The following GBGT1 variants were observed in gnomAD, a reference collection of about 807,000 sequenced individuals.
GBGT1 encodes globoside alpha-1,3-N-acetylgalactosaminyltransferase 1 (FORS blood group).
GBGT1 carries 18 observed loss-of-function variants against 20.9 expected under a neutral mutation model. That is an observed-to-expected ratio of 0.86 (90% CI 0.60 to 1.28). The LOEUF is 1.28. Among genes scored for constraint, GBGT1 ranks in the 50% most tolerant of loss-of-function variants. The probability of loss-of-function intolerance (pLI) is 0.00; values close to 1 mark genes in which losing one functional copy is unlikely to be tolerated. For synonymous variants in GBGT1, 168 were observed against 180.8 expected (o/e 0.93, Z 0.57); for missense variants, 432 against 455.7 (o/e 0.95, Z 0.47).
At position 133,153,270 on chromosome 9, in the gene GBGT1, G is replaced by A. The variant is rs574746327; in HGVS notation, c.*307C>T. ...CGGCAGGGTTCAGGCACTCTGAGTC[G>A]GGCTGAGGCTTCAGAGCCTGCCCCG... On this transcript the variant is annotated 3_prime_UTR_variant, in exon 7 of 7. Coordinates refer to ENST00000372040, the MANE Select transcript of GBGT1 (RefSeq NM_021996.6). The A allele has an allele frequency of 6.4e-4, 187 of 290,726 alleles. No homozygotes were observed. Among genetic ancestry groups the A allele is most frequent in the Non-Finnish European group, 1.0e-3 (158 of 156,974 alleles). The allele number at this position is 290,726 out of a possible 1,614,324, so 18.0% of individuals were successfully genotyped here.
At chr9:133,161,243 G>A (rs1354025012) in intron 3 of GBGT1, 11 of 504,170 alleles carry the variant, frequency 2.2e-5, no homozygotes, top group Non-Finnish European at 3.5e-5. Flanking sequence ...ACATGTGGAC[G>A]GTCAGACCAT....
intron 2 of GBGT1, 120 bp from the exon 3 acceptor site, chr9:133,161,652 C>T: frequency 3.1e-6 from 2 of 646,634 alleles, no homozygotes; most frequent in South Asian, 4.2e-5. Context: ...GGCCAGGTCC[C>T]CTGTCATTCT....
intron 3 of GBGT1, among the ~76,000 whole-genome samples, chr9:133,156,430 G>C (rs33923294): frequency 0.12 from 18,208 of 152,150 alleles, 1,188 homozygotes; most frequent in Middle Eastern, 0.15. Flanking sequence ...GGGAGGCGGA[G>C]GCGGGTGGAT....
intron 3 of GBGT1, among the ~76,000 whole-genome samples, chr9:133,157,955 G>A (rs564373693): frequency 6.6e-6 from 1 of 152,232 alleles, no homozygotes; most frequent in South Asian, 2.1e-4. Flanking sequence ...GACCATCCTG[G>A]GCAACATGGT....
At chr9:133,155,839 T>G (rs1832854323) in intron 5 of GBGT1, 62 bp downstream of exon 5, 2 of 1,569,030 alleles carry the variant, frequency 1.3e-6, no homozygotes, top group East Asian at 2.2e-5. Flanking sequence ...TACCCCACCT[T>G]ATAAATCAGA....
intron 3 of GBGT1, among the ~76,000 whole-genome samples, chr9:133,157,759 T>C (rs1215400919): frequency 6.6e-6 from 1 of 152,226 alleles, no homozygotes; most frequent in Non-Finnish European, 1.5e-5. Context: ...GCCAGACAGT[T>C]GACCCTGTGA....
intron 3 of GBGT1, among the ~76,000 whole-genome samples, chr9:133,159,302 G>A (rs759206018): frequency 5.9e-5 from 9 of 152,152 alleles, no homozygotes; most frequent in Non-Finnish European, 8.8e-5. Flanking sequence ...AAGTCAGTTC[G>A]TCAAATTGGC....
chr9:133,155,772 T>C, intron 5 of GBGT1, 129 bp downstream of exon 5: 1 of 973,240 alleles, frequency 1.0e-6, no homozygotes, highest in Non-Finnish European at 1.6e-6. Flanking sequence ...GCCCTGTGTC[T>C]TTCCACAGTC....
chr9:133,161,418 G>A (rs912325243), intron 3 of GBGT1, 49 bp downstream of exon 3: 4 of 1,204,300 alleles, frequency 3.3e-6, no homozygotes, highest in Admixed American at 2.1e-5. Flanking sequence ...CTCCCCAACT[G>A]TGAGCAGCCC....
chr9:133,159,635 TA>T (rs11307075), intron 3 of GBGT1, among the ~76,000 whole-genome samples: 36,221 of 150,838 alleles, frequency 0.24, 4,864 homozygotes, highest in East Asian at 0.55. Context: ...TACAAACAAA[TA>T]AAAAAAAATT....
rs576979841 is a variant in GBGT1 at position 133,153,512 on chromosome 9, G to C, written c.*65C>G. On this transcript the variant is annotated 3_prime_UTR_variant, in exon 7 of 7. Transcript: ENST00000372040. ...GAGGCGGGACAGGGCTGGTCTGCAC[G>C]CTAGTGAAGCACTGGTGGCTGCAGG... is the stretch of plus-strand genomic sequence containing the variant. 3.3e-6 allele frequency: 4 copies of C among 1,211,124 alleles called. No individual in the cohort carries two copies. The highest frequency in any genetic ancestry group is 4.7e-6 in the Non-Finnish European group (4 of 859,128). The allele number at this position is 1,211,124 out of a possible 1,614,324, so 75.0% of individuals were successfully genotyped here.
chr9:133,161,464 T>C lies in GBGT1; in HGVS notation c.137+3A>G. On this transcript the variant is annotated splice_donor_region_variant and intron_variant, in intron 3 of 6. Transcript: ENST00000372040. Reference sequence around the variant, plus strand: ...CAGTTCTCCTAGCCACACCCATACTTACAAGATCTCTGGGCAGGGGAGATA... The same window carrying C: ...CAGTTCTCCTAGCCACACCCATACTCACAAGATCTCTGGGCAGGGGAGATA... 1 of 1,603,594 alleles carries C rather than the reference T, an allele frequency of 6.2e-7. No homozygotes were observed. The highest frequency in any genetic ancestry group is 8.5e-7 in the Non-Finnish European group (1 of 1,172,322).
rs1458686710 is a variant in GBGT1 at position 133,154,364 on chromosome 9, A to G, written c.360-103T>C. 2.1e-5 allele frequency: 13 copies of G among 623,414 alleles called. No individual in the cohort carries two copies. Among genetic ancestry groups the G allele is most frequent in the Non-Finnish European group, 3.5e-5 (13 of 367,954 alleles). The allele number at this position is 623,414 out of a possible 1,614,324, so 38.6% of individuals were successfully genotyped here. On this transcript the variant is annotated intron_variant, in intron 6 of 6. Transcript: ENST00000372040. This position sits in a 1 kb window ranked among gnomAD's most constrained non-coding sequence, Gnocchi z 4.2. The stretch of plus-strand genomic sequence containing the variant: ...GCTGGGGTCCACTTACCAGCTCCCC[A>G]TCTCAAGATGTCACTCTGCTCTGGC...
At chr9:133,155,750 C>G (rs565508993) in intron 5 of GBGT1, 151 bp downstream of exon 5, 7 of 813,940 alleles carry the variant, frequency 8.6e-6, no homozygotes, top group South Asian at 8.0e-5. Context: ...CAGCCCAGGT[C>G]CCTGACTCCC....
chr9:133,160,801 G>A (rs539057849), intron 3 of GBGT1, among the ~76,000 whole-genome samples: 82 of 152,222 alleles, frequency 5.4e-4, no homozygotes, highest in African/African-American at 1.9e-3. Flanking sequence ...CTTGAGGTCA[G>A]GAGTTTGAGA....
intron 3 of GBGT1, chr9:133,160,392 G>A (rs1055267415): frequency 3.9e-5 from 6 of 152,184 alleles, no homozygotes; most frequent in African/African-American, 1.5e-4. Context: ...CATAACCTCT[G>A]GTATTCCCAG....
Position 133,153,675 on chromosome 9 carries a change from G to C in GBGT1, c.946C>G (p.Pro316Ala), listed in dbSNP as rs928230429. The stretch of plus-strand genomic sequence containing the variant: ...TTCCTGTCGTCCCAGAGGTACTCGG[G>C]GGACAGCACCTTGGACGGCTTGTTT... ...ISNKPSKVLSPEYLWDDRKPQ... is the reference protein window; with the variant it reads ...ISNKPSKVLSAEYLWDDRKPQ... The change falls in exon 7 of 7, where the codon CCC becomes GCC. Residue 316 changes from proline (P) to alanine (A), a missense_variant. Pro to Ala is a conservative substitution (Grantham distance 27, BLOSUM62 -1). Coordinates refer to ENST00000372040, the MANE Select transcript of GBGT1 (RefSeq NM_021996.6). 3.1e-6 allele frequency: 5 copies of C among 1,613,412 alleles called. No homozygotes were observed. In the African/African-American group the frequency reaches 6.7e-5, roughly 22 times the overall value.
intron 1 of GBGT1, among the ~76,000 whole-genome samples, 153 bp from the exon 2 acceptor site, chr9:133,162,685 C>G (rs1268531320): frequency 6.6e-6 from 1 of 152,342 alleles, no homozygotes. Flanking sequence ...GGATTACAGG[C>G]ACAAGCCACC....
At chr9:133,162,193 G>A (rs1833070809) in intron 2 of GBGT1, 149 bp downstream of exon 2, 2 of 487,918 alleles carry the variant, frequency 4.1e-6, no homozygotes, top group Non-Finnish European at 7.3e-6. Context: ...TCCTGGGTGG[G>A]GATAGAGACA....
Sources: allele counts gnomAD v4.1 joint callset (sites outside exome capture counted in the v4.1 genomes callset), GRCh38; gene constraint gnomAD v4.1.1; non-coding constraint Gnocchi (gnomAD v3.1); transcripts MANE v1.5; gene names NCBI Gene and HGNC (gene_info 2026-07-23, HGNC 2026-07-21).